NDUFB6: variants seen among roughly 807,000 people sequenced by gnomAD.
NDUFB6 encodes NADH:ubiquinone oxidoreductase subunit B6.
A neutral mutation model predicts 17.5 loss-of-function variants in NDUFB6; 23 were observed. The ratio of observed to expected loss-of-function variants is 1.31; its 90% confidence interval spans 0.94 to 1.86. The LOEUF (loss-of-function observed/expected upper bound fraction) is 1.86. Among genes scored for constraint, NDUFB6 ranks in the 40% most tolerant of loss-of-function variants. The pLI, the probability that NDUFB6 is intolerant of heterozygous loss-of-function variation, is 0.00. For missense variants in NDUFB6, 167 were observed against 153.8 expected, an observed-to-expected ratio of 1.09 and a Z score of -0.46; for synonymous variants, 60 against 53.5, an observed-to-expected ratio of 1.12 and a Z score of -0.53.
intron 2 of NDUFB6, among the ~76,000 whole-genome samples, chr9:32,559,666 G>C (rs1034689166): frequency 1.3e-5 from 2 of 152,058 alleles, no homozygotes; most frequent in African/African-American, 4.8e-5. Context: ...ATTTATGTTT[G>C]TCTTCAAAGA....
intron 3 of NDUFB6, among the ~76,000 whole-genome samples, chr9:32,556,553 T>A (rs1039582875): frequency 1.3e-5 from 2 of 152,228 alleles, no homozygotes; most frequent in East Asian, 3.8e-4. Flanking sequence ...TGAGCATTCT[T>A]CAGTTCCTCA....
chr9:32,554,656 T>C (rs767902389), intron 3 of NDUFB6, among the ~76,000 whole-genome samples: 6 of 152,230 alleles, frequency 3.9e-5, no homozygotes, highest in Admixed American at 3.3e-4. Context: ...CTCAGGATTA[T>C]AGTCCAATGA....
At chr9:32,565,960 GA>G (rs1412432499) in intron 2 of NDUFB6, among the ~76,000 whole-genome samples, 1 of 151,680 alleles carries the variant, frequency 6.6e-6, no homozygotes, top group Non-Finnish European at 1.5e-5. Flanking sequence ...CAACGAAAGT[GA>G]AACTCCACCT....
chr9:32,557,755 G>A (rs10971023), intron 3 of NDUFB6, among the ~76,000 whole-genome samples: 79,344 of 151,932 alleles, frequency 0.52, 21,266 homozygotes, highest in Middle Eastern at 0.66. Context: ...GGGATTACAC[G>A]CGTGAGCCAC....
chr9:32,566,637 G>A (rs1056140220), intron 2 of NDUFB6: 2 of 793,892 alleles, frequency 2.5e-6, no homozygotes, highest in African/African-American at 1.7e-5. Context: ...CACCATGGAG[G>A]AGCAGGAGCT....
intron 2 of NDUFB6, among the ~76,000 whole-genome samples, chr9:32,561,167 G>C (rs1821614226): frequency 6.6e-6 from 1 of 152,132 alleles, no homozygotes; most frequent in Non-Finnish European, 1.5e-5. Flanking sequence ...AATAGTTGTA[G>C]AGAGAGTTTG....
intron 2 of NDUFB6, among the ~76,000 whole-genome samples, chr9:32,560,393 T>G (rs562453515): frequency 6.6e-6 from 1 of 152,328 alleles, no homozygotes; most frequent in South Asian, 2.1e-4. Context: ...AAATGTCTTT[T>G]CGATCCCAGA....
chr9:32,566,673 C>T (rs532463579), intron 2 of NDUFB6: 7 of 815,880 alleles, frequency 8.6e-6, no homozygotes, highest in East Asian at 4.9e-5. Context: ...ACTCCGGATC[C>T]GGCTTTCACA....
intron 2 of NDUFB6, chr9:32,566,417 T>C: frequency 2.3e-6 from 2 of 873,550 alleles, no homozygotes; most frequent in South Asian, 2.6e-5. Flanking sequence ...AGGAGCCTGC[T>C]CTCCCTGTTA....
chr9:32,564,941 A>G (rs1397196629), intron 2 of NDUFB6, among the ~76,000 whole-genome samples: 7 of 152,206 alleles, frequency 4.6e-5, no homozygotes, highest in Admixed American at 6.5e-5. Context: ...GTGGTTCGAC[A>G]TAATAGCTAT....
intron 2 of NDUFB6, among the ~76,000 whole-genome samples, chr9:32,560,560 T>A (rs1821597436): frequency 6.6e-6 from 1 of 152,214 alleles, no homozygotes; most frequent in Non-Finnish European, 1.5e-5. Flanking sequence ...TAACAGAGGT[T>A]TTAAAAAATT....
chr9:32,559,041 T>C, intron 2 of NDUFB6, 87 bp from the exon 3 acceptor site: 1 of 889,498 alleles, frequency 1.1e-6, no homozygotes. Flanking sequence ...AATTTTAACT[T>C]AAGCTCCAAA....
intron 2 of NDUFB6, among the ~76,000 whole-genome samples, chr9:32,561,734 G>C (rs1052983362): frequency 3.2e-4 from 49 of 152,104 alleles, no homozygotes; most frequent in African/African-American, 5.3e-4. Flanking sequence ...TGTGAACTTT[G>C]GTTTTATCCC....
chr9:32,559,269 C>T (rs1587640163), intron 2 of NDUFB6, among the ~76,000 whole-genome samples: 1 of 152,166 alleles, frequency 6.6e-6, no homozygotes, highest in African/African-American at 2.4e-5. Flanking sequence ...TTAATTCTAT[C>T]TTAAGAATAT....
chr9:32,553,535 ATTTGT>A lies in NDUFB6; in HGVS notation c.*336_*340del, dbSNP rs1821363921. The A allele has an allele frequency of 4.6e-6, 1 of 218,218 alleles. No homozygotes were observed. The highest frequency in any genetic ancestry group is 6.3e-5 in the South Asian group (1 of 15,816). 13.5% of individuals were successfully genotyped at this position (218,218 alleles called of 1,614,324 possible). On this transcript the variant is annotated 3_prime_UTR_variant, in exon 4 of 4. Coordinates refer to ENST00000379847, the MANE Select transcript of NDUFB6 (RefSeq NM_002493.5). ...AAGTGCATGGAATTGCTGTTCTTAC[ATTTGT>A]TTATTGTGATATTTCACTGTTGCAT...
intron 2 of NDUFB6, among the ~76,000 whole-genome samples, chr9:32,569,862 C>CACAT (rs34438603): frequency 0.61 from 92,248 of 151,566 alleles, 28,387 homozygotes; most frequent in Middle Eastern, 0.71. Context: ...CGTTCTTTTA[C>CACAT]ACTGCTATTA....
chr9:32,569,755 A>G (rs1022144318), intron 2 of NDUFB6, among the ~76,000 whole-genome samples: 1 of 152,126 alleles, frequency 6.6e-6, no homozygotes, highest in African/African-American at 2.4e-5. Context: ...GCCTCAAGCA[A>G]TCTTCCTACC....
chr9:32,564,073 AAGG>A (rs1821707071), intron 2 of NDUFB6, among the ~76,000 whole-genome samples: 1 of 152,240 alleles, frequency 6.6e-6, no homozygotes, highest in Non-Finnish European at 1.5e-5. Context: ...GCTAATTACT[AAGG>A]AGTGGCAATG....
At chr9:32,563,490 G>GTTTTTTTTTTT (rs1239149080) in intron 2 of NDUFB6, among the ~76,000 whole-genome samples, 1 of 47,562 alleles carries the variant, frequency 2.1e-5, no homozygotes. Context: ...GGACTATTGG[G>GTTTTTTTTTTT]CTTTTTTTTT....
Sources: allele counts gnomAD v4.1 joint callset (sites outside exome capture counted in the v4.1 genomes callset), GRCh38; gene constraint gnomAD v4.1.1; transcripts MANE v1.5; gene names NCBI Gene and HGNC (gene_info 2026-07-23, HGNC 2026-07-21).